Variants in NIM1K observed in about 807,000 individuals in gnomAD.
NIM1K encodes the protein NIM1 serine/threonine protein kinase, also known as serine/threonine-protein kinase NIM1.
Under a neutral mutation model 37.1 loss-of-function variants are expected in NIM1K, and 35 were observed. The observed-to-expected ratio is 0.94, with a 90% CI of 0.72 to 1.25. The LOEUF is 1.25. NIM1K is among the 50% of genes most tolerant of loss of function. The pLI is 0.00. For missense variants in NIM1K, 564 were observed against 548.0 expected (o/e 1.03, Z -0.29); for synonymous variants, 234 against 206.6 (o/e 1.13, Z -1.14).
chr5:43,207,586 C>T (rs1752135947), intron 1 of NIM1K: 1 of 675,892 alleles, frequency 1.5e-6, no homozygotes, highest in African/African-American at 1.8e-5. Flanking sequence ...TGAATCTTGA[C>T]CTCTCAATGA....
intron 1 of NIM1K, among the ~76,000 whole-genome samples, chr5:43,217,708 A>ATTTTT (rs71608698): frequency 4.2e-4 from 39 of 93,592 alleles, no homozygotes; most frequent in East Asian, 7.5e-4. Flanking sequence ...TCCTCTGTCT[A>ATTTTT]TTTTTTTTTT....
At chr5:43,230,708 A>G (rs1487595392) in intron 1 of NIM1K, among the ~76,000 whole-genome samples, 2 of 152,250 alleles carry the variant, frequency 1.3e-5, no homozygotes, top group Non-Finnish European at 2.9e-5. Flanking sequence ...ATGCAGGTTA[A>G]GGTTGAGAAC....
At chr5:43,197,677 ACCATTTC>A (rs1177478959) in intron 1 of NIM1K, among the ~76,000 whole-genome samples, 2 of 151,906 alleles carry the variant, frequency 1.3e-5, no homozygotes, top group African/African-American at 2.4e-5. Context: ...CTCCCATTTT[ACCATTTC>A]CCTGACCTAC....
chr5:43,255,701 A>T (rs955271469), intron 2 of NIM1K, among the ~76,000 whole-genome samples: 1 of 150,344 alleles, frequency 6.7e-6, no homozygotes, highest in Non-Finnish European at 1.5e-5. Flanking sequence ...GTGAGCCAAG[A>T]TCGTGCCACT....
chr5:43,271,742 A>T (rs927310036), intron 2 of NIM1K, among the ~76,000 whole-genome samples: 30 of 152,296 alleles, frequency 2.0e-4, no homozygotes, highest in African/African-American at 7.0e-4. Context: ...ATAGGTTGTT[A>T]TATTCCCCAC....
intron 2 of NIM1K, among the ~76,000 whole-genome samples, chr5:43,276,161 G>A (rs555215784): frequency 6.6e-6 from 1 of 152,262 alleles, no homozygotes; most frequent in East Asian, 1.9e-4. Context: ...CCGAAGTGCT[G>A]GGATTACAGG....
At chr5:43,203,257 T>C (rs2112205694) in intron 1 of NIM1K, among the ~76,000 whole-genome samples, 1 of 152,372 alleles carries the variant, frequency 6.6e-6, no homozygotes, top group Non-Finnish European at 1.5e-5. Context: ...TAGTGTTAAA[T>C]CAAGTTCAGC....
intron 2 of NIM1K, among the ~76,000 whole-genome samples, chr5:43,253,211 T>TA: frequency 1.9e-5 from 1 of 52,204 alleles, no homozygotes; most frequent in African/African-American, 5.5e-5. Flanking sequence ...TAATATAATA[T>TA]ATGTGTGTGT....
intron 1 of NIM1K, among the ~76,000 whole-genome samples, chr5:43,223,903 C>G (rs1447528487): frequency 6.6e-6 from 1 of 152,032 alleles, no homozygotes; most frequent in Non-Finnish European, 1.5e-5. Context: ...AATGTATGAG[C>G]CTTTTAAAAC....
Position 43,280,692 on chromosome 5 carries a change from G to A in NIM1K, c.1274G>A (p.Gly425Glu). Residue 425 changes from glycine (G) to glutamate (E), a missense_variant, in exon 4 of 4, where the codon GGG becomes GAG. Physicochemically the swap from Gly to Glu is moderately conservative, Grantham distance 98. Coordinates refer to ENST00000326035, the MANE Select transcript of NIM1K (RefSeq NM_153361.4). ...DLKKGSRVYR[G>E]IRHTSKFCSI... ...AAAAAAGGGTCCCGTGTCTACAGAG[G>A]GATAAGACACACATCCAAATTTTGC... 2 of 1,606,926 alleles carry A rather than the reference G, an allele frequency of 1.2e-6. No individual in the cohort carries two copies. Among genetic ancestry groups the A allele is most frequent in the Non-Finnish European group, 1.7e-6 (2 of 1,178,224 alleles).
intron 1 of NIM1K, among the ~76,000 whole-genome samples, chr5:43,218,161 C>T (rs945124516): frequency 1.3e-5 from 2 of 152,020 alleles, no homozygotes; most frequent in African/African-American, 4.8e-5. Flanking sequence ...TAGGCACCCA[C>T]CACCATGCCC....
Position 43,198,210 on chromosome 5 carries a change from T to TTTCC in NIM1K, c.-695+5802_-695+5803insCTTC, listed in dbSNP as rs1579951024. ...TTCTTTCTTTCTTTCTTTCTTTCTC[T>TTTCC]TTCTTTCTTTCTTTCTTTCTTTCTT... On this transcript the variant is annotated intron_variant, in intron 1 of 3. Coordinates refer to ENST00000326035, the MANE Select transcript of NIM1K (RefSeq NM_153361.4). 9.7e-5 allele frequency among the ~76,000 whole-genome samples: 8 copies of TTTCC among 82,330 alleles called. No individual in the cohort carries two copies. The East Asian group carries it at 2.3e-3, about 24-fold the overall frequency. The allele number at this position is 82,330 out of a possible 152,430, so 54.0% of individuals were successfully genotyped here.
At chr5:43,192,848 G>A (rs1751853499) in intron 1 of NIM1K, 1 of 152,330 alleles carries the variant, frequency 6.6e-6, no homozygotes, top group Non-Finnish European at 1.5e-5. Flanking sequence ...GGGTGCGCTG[G>A]ACCAGAGCCC....
intron 2 of NIM1K, 117 bp downstream of exon 2, chr5:43,246,184 G>T: frequency 1.2e-6 from 1 of 815,438 alleles, no homozygotes. Context: ...GCCCCTGCAA[G>T]GCCCACATCC....
chr5:43,199,205 ATATATATAT>A lies in NIM1K; in HGVS notation c.-695+6795_-695+6803del, dbSNP rs1490636483. On this transcript the variant is annotated intron_variant, in intron 1 of 3. Transcript: ENST00000326035. ...CTCTGTCTCCAAAAAAAAAAAAAAA[ATATATATAT>A]ATATATATATATATATATATATATG... is the stretch of plus-strand genomic sequence containing the variant. Among the ~76,000 whole-genome samples, 406 of 59,466 alleles carry A rather than the reference ATATATATAT, an allele frequency of 6.8e-3. 18 individuals carry two copies. The highest frequency in any genetic ancestry group is 7.7e-3 in the African/African-American group (106 of 13,788). 39.0% of individuals were successfully genotyped at this position (59,466 alleles called of 152,430 possible).
At chr5:43,195,218 A>G (rs943217508) in intron 1 of NIM1K, among the ~76,000 whole-genome samples, 3 of 152,248 alleles carry the variant, frequency 2.0e-5, no homozygotes, top group Non-Finnish European at 2.9e-5. Flanking sequence ...CAAATTGCTT[A>G]TGAAGATAAT....
chr5:43,221,370 G>C (rs914388451), intron 1 of NIM1K, among the ~76,000 whole-genome samples: 2 of 146,360 alleles, frequency 1.4e-5, no homozygotes, highest in Non-Finnish European at 3.0e-5. Flanking sequence ...AGAATTGCTT[G>C]AACCTGGGAG....
chr5:43,201,280 GC>G (rs1218470769), intron 1 of NIM1K, among the ~76,000 whole-genome samples: 2 of 152,072 alleles, frequency 1.3e-5, no homozygotes, highest in Admixed American at 1.3e-4. Flanking sequence ...ATGGTGGCGG[GC>G]GCCTGCATTC....
At chr5:43,248,671 G>T (rs1324221384) in intron 2 of NIM1K, among the ~76,000 whole-genome samples, 2 of 151,928 alleles carry the variant, frequency 1.3e-5, no homozygotes, top group Admixed American at 1.3e-4. Flanking sequence ...TATGGAGACT[G>T]CCCCCAAGAT....
Sources: gnomAD v4.1 joint callset for allele counts (sites outside exome capture counted in the v4.1 genomes callset) on GRCh38, gnomAD v4.1.1 for gene constraint, MANE v1.5 for transcripts, NCBI Gene and HGNC (gene_info 2026-07-23, HGNC 2026-07-21) for gene names.